The following CLIP2 variants were observed in gnomAD, a reference collection of about 807,000 sequenced individuals.
CLIP2 encodes the protein CAP-Gly domain-containing linker protein 2.
Under a neutral mutation model 111.7 loss-of-function variants are expected in CLIP2, and 41 were observed. The observed-to-expected ratio is 0.37, with a 90% CI of 0.29 to 0.48. CLIP2 has a LOEUF of 0.48. Ranked by LOEUF, CLIP2 falls within the 20% of genes least tolerant of loss-of-function variation. The pLI is 0.99. For missense variants in CLIP2, 1,160 were observed against 1,422.1 expected (o/e 0.82, Z 2.96); for synonymous variants, 660 against 644.2 (o/e 1.02, Z -0.37).
chr7:74,401,486 T>C lies in CLIP2; in HGVS notation c.3067-19T>C. On this transcript the variant is annotated intron_variant, in intron 15 of 16. Transcript: ENST00000223398. ...GCTGCCTGGTGCACCTGGCTCAGTG[T>C]CTCCCCTAACTCTTCCAGACCATCG... 1 of 1,613,544 alleles carries C rather than the reference T, an allele frequency of 6.2e-7. No individual in the cohort carries two copies. The highest frequency in any genetic ancestry group is 8.5e-7 in the Non-Finnish European group (1 of 1,179,714).
rs546142383 is a variant in CLIP2 at position 74,403,231 on chromosome 7, A to G, written c.3130-606A>G. On this transcript the variant is annotated intron_variant, in intron 16 of 16. Transcript: ENST00000223398. Reference sequence around the variant, plus strand: ...GACTGTCTCAAAAAAAAAAAAAAAAAAGAGAGAGAGATCCAGCCCCGTACA... The same window carrying G: ...GACTGTCTCAAAAAAAAAAAAAAAAGAGAGAGAGAGATCCAGCCCCGTACA... Among the ~76,000 whole-genome samples the G allele has an allele frequency of 1.5e-3, 228 of 149,658 alleles. 2 individuals carry two copies. The highest frequency in any genetic ancestry group is 2.3e-3 in the African/African-American group (93 of 40,720).
chr7:74,401,731 A>G, intron 16 of CLIP2, 164 bp downstream of exon 16: 2 of 742,040 alleles, frequency 2.7e-6, no homozygotes, highest in Non-Finnish European at 4.7e-6. Context: ...TTGATTCCAG[A>G]TTCACCCTGC....
intron 2 of CLIP2, among the ~76,000 whole-genome samples, chr7:74,324,818 GAAAA>G (rs11318033): frequency 2.0e-4 from 19 of 95,216 alleles, no homozygotes; most frequent in Middle Eastern, 5.2e-3. Flanking sequence ...AAGATCTTGA[GAAAA>G]AAAAAAAAAA....
In CLIP2 at chr7:74,354,032, G is replaced by A. The variant is rs782039565; in HGVS notation, c.803+28G>A. Reference sequence around the variant, plus strand: ...ATGGTGGGCTTCTTCTGGGGAGTATGGGAGGGGGCTCCTCTCCCCAGGGTG... The same window carrying A: ...ATGGTGGGCTTCTTCTGGGGAGTATAGGAGGGGGCTCCTCTCCCCAGGGTG... On this transcript the variant is annotated intron_variant, in intron 4 of 16. Coordinates refer to ENST00000223398, the MANE Select transcript of CLIP2 (RefSeq NM_003388.5). 3.1e-6 allele frequency: 5 copies of A among 1,592,820 alleles called. No individual in the cohort carries two copies. In the African/African-American group the frequency reaches 6.7e-5, roughly 21 times the overall value.
intron 3 of CLIP2, among the ~76,000 whole-genome samples, chr7:74,342,614 AG>A (rs1328268736): frequency 1.3e-5 from 2 of 151,930 alleles, no homozygotes; most frequent in Non-Finnish European, 2.9e-5. Flanking sequence ...GGATCGGAGG[AG>A]GCAAGAGTGG....
At chr7:74,382,294 T>TG (rs1160701179) in intron 11 of CLIP2, among the ~76,000 whole-genome samples, 1 of 134,950 alleles carries the variant, frequency 7.4e-6, no homozygotes, top group African/African-American at 2.7e-5. Flanking sequence ...TTCTCCATGT[T>TG]GGGGCTGGTC....
Position 74,303,257 on chromosome 7 carries a change from C to A in CLIP2, c.-68+13523C>A, listed in dbSNP as rs1788387577. Among the ~76,000 whole-genome samples, 5 of 152,172 alleles carry A rather than the reference C, an allele frequency of 3.3e-5. No homozygotes were observed. The South Asian group carries it at 1.0e-3, about 31-fold the overall frequency. On this transcript the variant is annotated intron_variant, in intron 1 of 16. Coordinates refer to ENST00000223398, the MANE Select transcript of CLIP2 (RefSeq NM_003388.5). ...AGTCAACCTTCTCAGATTCCCTGAG[C>A]CTTGGGCAAATGCAAACAAAGCTGT...
chr7:74,304,908 A>G (rs1182639749), intron 1 of CLIP2, among the ~76,000 whole-genome samples: 1 of 152,160 alleles, frequency 6.6e-6, no homozygotes, highest in Non-Finnish European at 1.5e-5. Context: ...TTGCATCACT[A>G]CACTCTTGCC....
In CLIP2 at chr7:74,302,054, T is replaced by C. The variant is rs576499253; in HGVS notation, c.-68+12320T>C. Among the ~76,000 whole-genome samples the C allele has an allele frequency of 1.4e-3, 216 of 152,156 alleles. 6 individuals carry two copies. The highest frequency in any genetic ancestry group is 3.2e-4 in the Non-Finnish European group (22 of 68,030). The stretch of plus-strand genomic sequence containing the variant: ...ATGGTAATGGATGTGTGGGTTATTT[T>C]CAGCGTTGGACCTTTTTTTGTGGCT... On this transcript the variant is annotated intron_variant, in intron 1 of 16. Coordinates refer to ENST00000223398, the MANE Select transcript of CLIP2 (RefSeq NM_003388.5).
At chr7:74,377,572 C>T (rs1318560492) in intron 10 of CLIP2, among the ~76,000 whole-genome samples, 1 of 152,208 alleles carries the variant, frequency 6.6e-6, no homozygotes, top group Non-Finnish European at 1.5e-5. Flanking sequence ...ACGTCTTATG[C>T]CAGGCCCTAT....
At chr7:74,321,677 C>T (rs1466792689) in intron 2 of CLIP2, among the ~76,000 whole-genome samples, 1 of 152,006 alleles carries the variant, frequency 6.6e-6, no homozygotes, top group Non-Finnish European at 1.5e-5. Context: ...ATCATCTTGG[C>T]CAGGCTGGTC....
At chr7:74,314,689 C>G (rs782818146) in intron 1 of CLIP2, among the ~76,000 whole-genome samples, 22 of 152,206 alleles carry the variant, frequency 1.4e-4, no homozygotes, top group Non-Finnish European at 2.5e-4. Context: ...TTGGACGGTG[C>G]TCCCCAGGGC....
chr7:74,319,885 C>T (rs1788897546), intron 2 of CLIP2, among the ~76,000 whole-genome samples: 1 of 151,142 alleles, frequency 6.6e-6, no homozygotes, highest in Admixed American at 6.6e-5. Context: ...TTAGGGAGGG[C>T]AGCCAGGACA....
intron 3 of CLIP2, among the ~76,000 whole-genome samples, chr7:74,351,385 A>C (rs539270618): frequency 2.8e-4 from 40 of 142,958 alleles, no homozygotes; most frequent in African/African-American, 1.1e-3. Flanking sequence ...CAGGAGGCCA[A>C]GGTTGTGGTG....
chr7:74,290,738 A>G (rs1787991811), intron 1 of CLIP2, among the ~76,000 whole-genome samples: 1 of 152,170 alleles, frequency 6.6e-6, no homozygotes, highest in Admixed American at 6.5e-5. Flanking sequence ...TGCGGGGAGC[A>G]CCACGTGTGT....
intron 2 of CLIP2, among the ~76,000 whole-genome samples, chr7:74,335,792 G>T (rs1242636886): frequency 6.8e-6 from 1 of 148,004 alleles, no homozygotes. Context: ...GCCCAGGCTA[G>T]AGTGCAGTGA....
At chr7:74,314,584 A>T (rs553546763) in intron 1 of CLIP2, among the ~76,000 whole-genome samples, 1 of 152,336 alleles carries the variant, frequency 6.6e-6, no homozygotes, top group Non-Finnish European at 1.5e-5. Context: ...CATCTCCTGT[A>T]TCAGAGATTT....
intron 15 of CLIP2, 24 bp from the exon 16 acceptor site, chr7:74,401,481 C>CA: frequency 6.2e-7 from 1 of 1,613,104 alleles, no homozygotes; most frequent in Middle Eastern, 1.7e-4. Flanking sequence ...GCACCTGGCT[C>CA]AGTGTCTCCC....
chr7:74,298,097 C>T (rs1044432561), intron 1 of CLIP2, among the ~76,000 whole-genome samples: 4 of 151,924 alleles, frequency 2.6e-5, no homozygotes, highest in Admixed American at 6.6e-5. Flanking sequence ...GCAATCTCAG[C>T]GCTTTGGGAG....
Sources: gnomAD v4.1 joint callset for allele counts (sites outside exome capture counted in the v4.1 genomes callset) on GRCh38, gnomAD v4.1.1 for gene constraint, MANE v1.5 for transcripts, NCBI Gene and HGNC (gene_info 2026-07-23, HGNC 2026-07-21) for gene names.